PSG11: variants seen among roughly 807,000 people sequenced by gnomAD.
PSG11 encodes pregnancy specific beta-1-glycoprotein 11, also known as pregnancy-specific beta-1-glycoprotein 11.
PSG11 carries 42 observed loss-of-function variants against 36.0 expected under a neutral mutation model. The observed-to-expected ratio is 1.17, with a 90% CI of 0.91 to 1.51. The LOEUF is 1.51. Among genes scored for constraint, PSG11 ranks in the 40% most tolerant of loss-of-function variants. The pLI, the probability that PSG11 is intolerant of heterozygous loss-of-function variation, is 0.00. For missense variants in PSG11, 558 were observed against 403.5 expected (o/e 1.38, Z -3.28); for synonymous variants, 206 against 153.5 (o/e 1.34, Z -2.53).
At chr19:43,009,243 C>G (rs1974010436) in intron 5 of PSG11, among the ~76,000 whole-genome samples, 1 of 151,306 alleles carries the variant, frequency 6.6e-6, no homozygotes, top group Non-Finnish European at 1.5e-5. Context: ...CATGTTAATC[C>G]TAAAGTCTTT....
intron 3 of PSG11, 71 bp downstream of exon 3, chr19:43,018,699 G>A (rs1967026631): frequency 3.7e-6 from 6 of 1,610,544 alleles, no homozygotes; most frequent in Non-Finnish European, 5.1e-6. Context: ...GAGAGGGACT[G>A]AGAGGCCTGG....
At chr19:43,023,170 G>A (rs369451486) in intron 2 of PSG11, among the ~76,000 whole-genome samples, 1 of 150,222 alleles carries the variant, frequency 6.7e-6, no homozygotes. Flanking sequence ...GGCTTTAGGG[G>A]CAAGAGGTAG....
At chr19:43,017,261 G>T (rs1341109530) in intron 3 of PSG11, 2 of 151,508 alleles carry the variant, frequency 1.3e-5, no homozygotes, top group African/African-American at 4.9e-5. Context: ...TTTTGATTCT[G>T]AAATATTTGT....
In PSG11 at chr19:43,018,909, A is replaced by T. The variant is rs765848607; in HGVS notation, c.570T>A (p.Thr190=). The part of the protein sequence containing the change: ...WWMNGQSLPM[T]HRMQLSETNR... ...TGGTTTCAGACAGCTGCATCCTATG[A>T]GTCATAGGGAGGCTCTGACCATTCA... Residue 190 remains threonine, a synonymous_variant, in exon 3 of 6, where the codon ACT becomes ACA. Coordinates refer to ENST00000320078, the MANE Select transcript of PSG11 (RefSeq NM_002785.3). 2.0e-5 allele frequency: 32 copies of T among 1,611,892 alleles called. No homozygotes were observed. The highest frequency in any genetic ancestry group is 6.7e-5 in the Admixed American group (4 of 59,840).
At chr19:43,025,915 CCTTTTTTTTTTTTTTTTTCT>C (rs1967237908) in intron 1 of PSG11, among the ~76,000 whole-genome samples, 1 of 93,918 alleles carries the variant, frequency 1.1e-5, no homozygotes, top group South Asian at 3.6e-4. Flanking sequence ...GGCCTTCTTT[CCTTTTTTTTTTTTTTTTTCT>C]CTTTTTTTTT....
Position 43,024,571 on chromosome 19 carries a change from C to A in PSG11, c.430+120G>T, listed in dbSNP as rs1429708240. On this transcript the variant is annotated intron_variant, in intron 2 of 5. Coordinates refer to ENST00000320078, the MANE Select transcript of PSG11 (RefSeq NM_002785.3). The stretch of plus-strand genomic sequence containing the variant: ...GTGTCCTGCACTAAATGCCCAAACC[C>A]CAGCATGGGACATAATGCAGAGAGG... 3.2e-6 allele frequency: 5 copies of A among 1,563,744 alleles called. No homozygotes were observed. The African/African-American group carries it at 6.8e-5, about 21-fold the overall frequency.
At position 43,024,460 on chromosome 19, in the gene PSG11, A is replaced by T. The variant is rs1242077852; in HGVS notation, c.430+231T>A. 17 of 608,344 alleles carry T rather than the reference A, an allele frequency of 2.8e-5. No individual in the cohort carries two copies. In the Admixed American group the frequency reaches 5.0e-4, roughly 18 times the overall value. The allele number at this position is 608,344 out of a possible 1,614,324, so 37.7% of individuals were successfully genotyped here. Reference sequence around the variant, plus strand: ...TCTCCTCCTGCTGAGTCCCCCCATCAGACTGTCCTTCCTCTGCAGCGAGTG... The same window carrying T: ...TCTCCTCCTGCTGAGTCCCCCCATCTGACTGTCCTTCCTCTGCAGCGAGTG... On this transcript the variant is annotated intron_variant, in intron 2 of 5. Coordinates refer to ENST00000320078, the MANE Select transcript of PSG11 (RefSeq NM_002785.3).
chr19:43,016,320 C>G (rs1054944206), intron 3 of PSG11, among the ~76,000 whole-genome samples: 1 of 151,246 alleles, frequency 6.6e-6, no homozygotes, highest in African/African-American at 2.4e-5. Flanking sequence ...GAGTCACAGC[C>G]CCTGGTACCC....
rs1427622246 is a variant in PSG11 at position 43,024,807 on chromosome 19, G to A, written c.314C>T (p.Ala105Val). Residue 105 changes from alanine to valine, a missense_variant, in exon 2 of 6, where the codon GCA becomes GTA. Transcript: ENST00000320078. Reference protein sequence around the residue: ...YSGRETVYSNASLLIQNVTRE... With the variant: ...YSGRETVYSNVSLLIQNVTRE... ...GGTGACATTCTGGATCAGCAGGGAT[G>A]CATTGGAATATACTGTTTCTCGTCC... 9 of 1,611,946 alleles carry A rather than the reference G, an allele frequency of 5.6e-6. No homozygotes were observed. The highest frequency in any genetic ancestry group is 7.6e-6 in the Non-Finnish European group (9 of 1,179,138).
chr19:43,018,028 C>T (rs1967008293), intron 3 of PSG11, among the ~76,000 whole-genome samples: 1 of 151,066 alleles, frequency 6.6e-6, no homozygotes, highest in Non-Finnish European at 1.5e-5. Context: ...TTTCCCTCTC[C>T]CTTTGCAGAG....
intron 2 of PSG11, 78 bp from the exon 3 acceptor site, chr19:43,019,126 C>T: frequency 1.3e-6 from 2 of 1,563,178 alleles, no homozygotes; most frequent in Non-Finnish European, 1.7e-6. Flanking sequence ...TCAGAATTGG[C>T]ATTTGCCACC....
In PSG11 at chr19:43,026,445, C is replaced by G. The variant is rs1239868425; in HGVS notation, c.-73G>C. On this transcript the variant is annotated 5_prime_UTR_variant, in exon 1 of 6. Transcript: ENST00000320078. ...CCAGAAGCTTCCAGAGCACGGCTGT[C>G]AGCTGTGCTGTCCTTCCTCCTTCTG... The G allele has an allele frequency of 2.5e-6, 4 of 1,575,426 alleles. No individual in the cohort carries two copies. The East Asian group carries it at 9.2e-5, about 36-fold the overall frequency.
chr19:43,024,972 T>A lies in PSG11; in HGVS notation c.149A>T (p.Asp50Val). Residue 50 changes from aspartate (D) to valine (V), a missense_variant, in exon 2 of 6, where the codon GAT (aspartate) becomes GTT (valine). Physicochemically the swap from Asp to Val is radical, Grantham distance 152 (BLOSUM62 -3). Transcript: ENST00000320078. ...CAAATTGTGGACAAGTAGAAGAACA[T>A]CCTTCCCCTCGGACACTTTGGGTGG... ...AQPPKVSEGK[D>V]VLLLVHNLPQ... 6.2e-7 allele frequency: 1 copy of A among 1,611,610 alleles called. No homozygotes were observed. Among genetic ancestry groups the A allele is most frequent in the Non-Finnish European group, 8.5e-7 (1 of 1,178,932 alleles).
At chr19:43,023,168 G>A (rs1260114262) in intron 2 of PSG11, among the ~76,000 whole-genome samples, 1 of 150,380 alleles carries the variant, frequency 6.6e-6, no homozygotes, top group Non-Finnish European at 1.5e-5. Context: ...GTGGCTTTAG[G>A]GGCAAGAGGT....
At chr19:43,024,555 A>T in intron 2 of PSG11, 136 bp downstream of exon 2, 1 of 1,513,926 alleles carries the variant, frequency 6.6e-7, no homozygotes, top group Non-Finnish European at 9.1e-7. Flanking sequence ...TGTGTCCTGC[A>T]CTAAATGCCC....
rs564172537 is a variant in PSG11, at chr19:43,023,934, A to C, written c.430+757T>G. Reference sequence around the variant, plus strand: ...TTATTATTAATTTGCTTCCATGAGAAAGCACCTTTACGTCAGATCCCTGTG... The same window carrying C: ...TTATTATTAATTTGCTTCCATGAGACAGCACCTTTACGTCAGATCCCTGTG... On this transcript the variant is annotated intron_variant, in intron 2 of 5. Transcript: ENST00000320078. 7.3e-5 allele frequency among the ~76,000 whole-genome samples: 11 copies of C among 151,540 alleles called. 1 individual carries two copies. In the South Asian group the frequency reaches 2.3e-3, roughly 32 times the overall value.
At chr19:43,014,727 T>C in intron 4 of PSG11, 1 of 1,212,130 alleles carries the variant, frequency 8.2e-7, no homozygotes, top group Non-Finnish European at 1.1e-6. Flanking sequence ...TTTCAAAGCC[T>C]CAGATGTTCC....
chr19:43,013,492 A>G (rs566547100), intron 4 of PSG11, among the ~76,000 whole-genome samples: 3 of 151,566 alleles, frequency 2.0e-5, no homozygotes, highest in South Asian at 4.2e-4. Context: ...CAAATATCCA[A>G]TAAGCCCATG....
intron 2 of PSG11, among the ~76,000 whole-genome samples, chr19:43,021,136 G>C (rs1967092213): frequency 1.3e-5 from 2 of 151,444 alleles, no homozygotes; most frequent in Admixed American, 1.3e-4. Flanking sequence ...TACAGCCTTT[G>C]TAGTTGTCCC....
Sources: allele counts gnomAD v4.1 joint callset (sites outside exome capture counted in the v4.1 genomes callset), GRCh38; gene constraint gnomAD v4.1.1; transcripts MANE v1.5; gene names NCBI Gene and HGNC (gene_info 2026-07-23, HGNC 2026-07-21).